The following DCLRE1C variants were observed in gnomAD, a reference collection of about 807,000 sequenced individuals.
DCLRE1C encodes the protein DNA cross-link repair 1C.
DCLRE1C carries 47 observed loss-of-function variants against 61.4 expected under a neutral mutation model. That is an observed-to-expected ratio of 0.77 (90% confidence interval 0.61 to 0.98). DCLRE1C has a LOEUF of 0.98. DCLRE1C is among the 50% of genes least tolerant of loss of function. The pLI, the probability that DCLRE1C is intolerant of heterozygous loss-of-function variation, is 0.00. For synonymous variants in DCLRE1C, 337 were observed against 287.6 expected (o/e 1.17, Z -1.74); for missense variants, 858 against 816.0 (o/e 1.05, Z -0.63).
rs557145949 is a variant in DCLRE1C, at chr10:14,906,510, G to A, written c.*1898C>T. Among the ~76,000 whole-genome samples, 11 of 152,276 alleles carry A rather than the reference G, an allele frequency of 7.2e-5. No individual in the cohort carries two copies. In the South Asian group the frequency reaches 1.7e-3, roughly 23 times the overall value. On this transcript the variant is annotated 3_prime_UTR_variant, in exon 14 of 14. Coordinates refer to ENST00000378278, the MANE Select transcript of DCLRE1C (RefSeq NM_001033855.3). Reference sequence around the variant, plus strand: ...AGGCATTTTTTGAACAACCACTTTCGATCATAAGGTACACTGTTAAAACTA... The same window carrying A: ...AGGCATTTTTTGAACAACCACTTTCAATCATAAGGTACACTGTTAAAACTA...
Position 14,910,719 on chromosome 10 carries a change from C to G in DCLRE1C, c.1157-1389G>C, listed in dbSNP as rs541237558. On this transcript the variant is annotated intron_variant, in intron 13 of 13. Coordinates refer to ENST00000378278, the MANE Select transcript of DCLRE1C (RefSeq NM_001033855.3). ...AAAAGGAGTGTGGATTGGGTAGATG[C>G]ATAAAAGGCACAAAAGATTAAAGGA... Among the ~76,000 whole-genome samples the G allele has an allele frequency of 6.6e-5, 10 of 152,246 alleles. No homozygotes were observed. The South Asian group carries it at 2.1e-3, about 32-fold the overall frequency.
At chr10:14,899,536 T>A in intron 13 of DCLRE1C, 2 of 1,613,606 alleles carry the variant, frequency 1.2e-6, no homozygotes, top group East Asian at 4.5e-5. Context: ...TTTTTCTGTT[T>A]AGGTAATCAC....
intron 13 of DCLRE1C, among the ~76,000 whole-genome samples, chr10:14,916,675 A>G (rs1205536240): frequency 5.3e-5 from 8 of 152,222 alleles, no homozygotes; most frequent in African/African-American, 1.9e-4. Flanking sequence ...GTGCAACAGT[A>G]TCCCCCAAAA....
At chr10:14,950,422 C>T (rs1297319889) in intron 1 of DCLRE1C, among the ~76,000 whole-genome samples, 3 of 151,098 alleles carry the variant, frequency 2.0e-5, no homozygotes, top group Non-Finnish European at 4.4e-5. Context: ...TTCTAATTAC[C>T]ACGAGCACCA....
At position 14,930,723 on chromosome 10, in the gene DCLRE1C, A is replaced by G. The variant is rs184754520; in HGVS notation, c.780+2131T>C. On this transcript the variant is annotated intron_variant, in intron 9 of 13. Transcript: ENST00000378278. Reference sequence around the variant, plus strand: ...ACTAGCATTACAGGCATGAGCCACCACACCCGGCCGGTTTACGTTTTATGT... The same window carrying G: ...ACTAGCATTACAGGCATGAGCCACCGCACCCGGCCGGTTTACGTTTTATGT... Among the ~76,000 whole-genome samples the G allele has an allele frequency of 3.3e-5, 5 of 152,226 alleles. No homozygotes were observed. In the East Asian group the frequency reaches 7.7e-4, roughly 23 times the overall value.
chr10:14,933,517 A>T (rs545555594), intron 8 of DCLRE1C, among the ~76,000 whole-genome samples: 2 of 152,194 alleles, frequency 1.3e-5, no homozygotes, highest in African/African-American at 4.8e-5. Flanking sequence ...CAGGCCTGTA[A>T]TCCAAGCTAC....
rs981106192 is a variant in DCLRE1C at position 14,906,035 on chromosome 10, C to T, written c.*2373G>A. Among the ~76,000 whole-genome samples, 8 of 152,132 alleles carry T rather than the reference C, an allele frequency of 5.3e-5. No homozygotes were observed. The highest frequency in any genetic ancestry group is 1.3e-4 in the Admixed American group (2 of 15,270). On this transcript the variant is annotated 3_prime_UTR_variant, in exon 14 of 14. Transcript: ENST00000378278. Reference sequence around the variant, plus strand: ...TCCTCTTGTGGTTTATGATTCTTGACGTAAAAACCAAGTAGCTGCTACAAT... The same window carrying T: ...TCCTCTTGTGGTTTATGATTCTTGATGTAAAAACCAAGTAGCTGCTACAAT...
chr10:14,954,062 G>T lies in DCLRE1C; in HGVS notation c.-52C>A. On this transcript the variant is annotated 5_prime_UTR_variant, in exon 1 of 14. Transcript: ENST00000378278. ...CCCCAAAACCGCAGCTGAAGCCAAGGCCAGCCCTGACCGCGCCGCCACTTC... is the reference window on the plus strand; with the variant it reads ...CCCCAAAACCGCAGCTGAAGCCAAGTCCAGCCCTGACCGCGCCGCCACTTC... The T allele has an allele frequency of 1.9e-6, 3 of 1,609,758 alleles. No homozygotes were observed. The highest frequency in any genetic ancestry group is 2.5e-6 in the Non-Finnish European group (3 of 1,179,048).
intron 10 of DCLRE1C, among the ~76,000 whole-genome samples, chr10:14,927,665 G>T (rs1386393096): frequency 2.0e-5 from 3 of 151,882 alleles, no homozygotes; most frequent in Admixed American, 6.6e-5. Flanking sequence ...AACAGCCAAA[G>T]TTAAGGAAAT....
intron 11 of DCLRE1C, among the ~76,000 whole-genome samples, chr10:14,924,924 C>G (rs1837710712): frequency 6.6e-6 from 1 of 151,640 alleles, no homozygotes; most frequent in Non-Finnish European, 1.5e-5. Context: ...AACACAAAGA[C>G]TTTTATGCCC....
intron 3 of DCLRE1C, among the ~76,000 whole-genome samples, chr10:14,940,169 A>G (rs41296986): frequency 0.023 from 3,438 of 151,740 alleles, 47 homozygotes; most frequent in Admixed American, 0.043. Flanking sequence ...TACCACTCCC[A>G]TTCCCCTCTC....
At position 14,907,669 on chromosome 10, in the gene DCLRE1C, A is replaced by G. The variant is rs970874983; in HGVS notation, c.*739T>C. Among the ~76,000 whole-genome samples, 1 of 151,818 alleles carries G rather than the reference A, an allele frequency of 6.6e-6. No homozygotes were observed. The highest frequency in any genetic ancestry group is 1.5e-5 in the Non-Finnish European group (1 of 67,990). ...AGGAAACTGTCCATATAACCACTCC[A>G]TTTTTAATTGTTTACATGGTTTTTC... On this transcript the variant is annotated 3_prime_UTR_variant, in exon 14 of 14. Transcript: ENST00000378278.
At chr10:14,940,628 C>T (rs893578745) in intron 3 of DCLRE1C, among the ~76,000 whole-genome samples, 7 of 152,128 alleles carry the variant, frequency 4.6e-5, no homozygotes, top group African/African-American at 9.7e-5. Flanking sequence ...CTCCCTGGTA[C>T]ATTTCCCCCT....
chr10:14,949,048 C>G lies in DCLRE1C; in HGVS notation c.149G>C (p.Arg50Thr), dbSNP rs746220817. 6.2e-7 allele frequency: 1 copy of G among 1,611,160 alleles called. No homozygotes were observed. Among genetic ancestry groups the G allele is most frequent in the Non-Finnish European group, 8.5e-7 (1 of 1,177,598 alleles). ...KGLRAPTLKR[R>T]LECSLKVYLY... ...CAAAATAAATTACCTGCACTCCAAC[C>G]TTCTTTTCAAGGTAGGGGCTCTTAA... The change falls in exon 2 of 14, where the codon AGG (arginine) becomes ACG (threonine). Residue 50 changes from arginine to threonine, a missense_variant. By Grantham distance (71) the Arg-to-Thr change is moderately conservative (BLOSUM62 -1). Transcript: ENST00000378278.
At position 14,943,280 on chromosome 10, in the gene DCLRE1C, T is replaced by G. The variant is rs1841166355; in HGVS notation, c.246+1825A>C. On this transcript the variant is annotated intron_variant, in intron 3 of 13. Transcript: ENST00000378278. ...AGATCAAGCACTGGGTGACAGGTTC[T>G]CGCAGTTTCTACTTCAGCTGGATGC... is the stretch of plus-strand genomic sequence containing the variant. 2.0e-5 allele frequency among the ~76,000 whole-genome samples: 3 copies of G among 152,288 alleles called. No homozygotes were observed. In the South Asian group the frequency reaches 6.2e-4, roughly 32 times the overall value.
chr10:14,925,151 C>T (rs1317227003), intron 11 of DCLRE1C, among the ~76,000 whole-genome samples: 2 of 151,136 alleles, frequency 1.3e-5, no homozygotes, highest in South Asian at 2.1e-4. Flanking sequence ...ATTACCTGCC[C>T]GCCCAACACC....
rs750020058 is a variant in DCLRE1C, at chr10:14,908,165, CTTTTTTTTT to C, written c.*234_*242del. ...CAGAGTAGCCCACCACCATGCCTGG[CTTTTTTTTT>C]TTTTTTTTTTTTTGTAAGTAGAGAC... On this transcript the variant is annotated 3_prime_UTR_variant, in exon 14 of 14. Coordinates refer to ENST00000378278, the MANE Select transcript of DCLRE1C (RefSeq NM_001033855.3). The C allele has an allele frequency of 6.1e-5, 12 of 197,858 alleles. 1 individual carries two copies. Among genetic ancestry groups the C allele is most frequent in the Admixed American group, 3.6e-4 (4 of 11,174 alleles). The allele number at this position is 197,858 out of a possible 1,614,324, so 12.3% of individuals were successfully genotyped here. A position where few individuals can be genotyped will look rare whatever the true frequency, so the allele number is the denominator to read the frequency against.
chr10:14,917,631 T>G (rs770306365), intron 13 of DCLRE1C, among the ~76,000 whole-genome samples: 2 of 152,042 alleles, frequency 1.3e-5, no homozygotes, highest in African/African-American at 4.8e-5. Flanking sequence ...CGAGACCAGC[T>G]TGGGCAACAT....
intron 4 of DCLRE1C, among the ~76,000 whole-genome samples, chr10:14,937,168 G>C (rs369184401): frequency 6.1e-4 from 93 of 152,132 alleles, no homozygotes; most frequent in East Asian, 2.9e-3. Flanking sequence ...AATAGGGAGG[G>C]ATTGCGATCG....
Sources: gnomAD v4.1 joint callset for allele counts (sites outside exome capture counted in the v4.1 genomes callset) on GRCh38, gnomAD v4.1.1 for gene constraint, MANE v1.5 for transcripts, NCBI Gene and HGNC (gene_info 2026-07-23, HGNC 2026-07-21) for gene names.